PIEZO1: variants seen among roughly 807,000 people sequenced by gnomAD.
PIEZO1 encodes the protein piezo type mechanosensitive ion channel component 1 (Er blood group).
In PIEZO1, 296 loss-of-function variants were observed where a neutral mutation model predicts 297.2. The observed-to-expected ratio is 1.00, with a 90% confidence interval of 0.91 to 1.10. PIEZO1 has a LOEUF of 1.10. Ranked by LOEUF, PIEZO1 falls within the 50% of genes least tolerant of loss-of-function variation. The pLI, the probability that PIEZO1 is intolerant of heterozygous loss-of-function variation, is 0.00. For missense variants in PIEZO1, 5,018 were observed against 3,455.5 expected, an observed-to-expected ratio of 1.45 and a Z score of -11.34; for synonymous variants, 2,427 against 1,507.5, an observed-to-expected ratio of 1.61 and a Z score of -14.13.
At chr16:88,739,362 C>A (rs1234304326) in intron 5 of PIEZO1, 1 of 152,352 alleles carries the variant, frequency 6.6e-6, no homozygotes, top group African/African-American at 2.4e-5. Context: ...TCCCAGAACA[C>A]AGCCATTTCC....
intron 5 of PIEZO1, chr16:88,739,609 GCCTATTCC>G (rs1344814165): frequency 6.6e-6 from 1 of 152,380 alleles, no homozygotes; most frequent in Non-Finnish European, 1.5e-5. Flanking sequence ...GCCTCTCGGA[GCCTATTCC>G]CCTTCTGTCA....
chr16:88,736,363 G>C lies in PIEZO1; in HGVS notation c.1342C>G (p.Leu448Val). The C allele has an allele frequency of 6.5e-7, 1 of 1,549,948 alleles. No individual in the cohort carries two copies. Among genetic ancestry groups the C allele is most frequent in the Non-Finnish European group, 8.7e-7 (1 of 1,146,794 alleles). The change falls in exon 12 of 51, where the codon CTC (leucine) becomes GTC (valine). Residue 448 changes from leucine to valine, a missense_variant. By Grantham distance (32) the Leu-to-Val change is conservative. Coordinates refer to ENST00000301015, the MANE Select transcript of PIEZO1 (RefSeq NM_001142864.4). ...YHSWLTFVLLLWACLIWTVRS... is the reference protein window; with the variant it reads ...YHSWLTFVLLVWACLIWTVRS... ...ACCGTCCAGATGAGGCAGGCCCAGAGCAGCAGTACGAAGGTCAGCCAGCTG... is the reference window on the plus strand; with the variant it reads ...ACCGTCCAGATGAGGCAGGCCCAGACCAGCAGTACGAAGGTCAGCCAGCTG...
chr16:88,726,173 G>A (rs972330556), intron 27 of PIEZO1, 111 bp downstream of exon 27: 16 of 858,500 alleles, frequency 1.9e-5, no homozygotes, highest in African/African-American at 1.0e-4. Flanking sequence ...ATGTCACAGA[G>A]TGGCAGAGCC....
intron 33 of PIEZO1, 39 bp from the exon 34 acceptor site, chr16:88,723,048 G>C: frequency 6.5e-7 from 1 of 1,543,814 alleles, no homozygotes; most frequent in Non-Finnish European, 8.7e-7. Context: ...GGGGCAGCCT[G>C]TGGGGCCAAG....
rs555382124 is a variant in PIEZO1 at position 88,727,083 on chromosome 16, C to T, written c.3411G>A (p.Pro1137=). The stretch of plus-strand genomic sequence containing the variant: ...GCACGGGGTTGGGCTCCCCCCGCAG[C>T]GGCTCCAGGCGGTCGGTGTTGACGC... ...MAGVNTDRLE[P]LRGEPNPVPN... Residue 1137 remains proline (P), a synonymous_variant, in exon 24 of 51, where the codon CCG becomes CCA. Coordinates refer to ENST00000301015, the MANE Select transcript of PIEZO1 (RefSeq NM_001142864.4). 1.3e-4 allele frequency: 198 copies of T among 1,549,606 alleles called. No individual in the cohort carries two copies. In the African/African-American group the frequency reaches 2.1e-3, roughly 16 times the overall value.
chr16:88,741,672 G>C (rs1396252363), intron 4 of PIEZO1, 56 bp from the exon 5 acceptor site: 1 of 1,486,454 alleles, frequency 6.7e-7, no homozygotes, highest in East Asian at 2.5e-5. Flanking sequence ...GTGGGTGTGA[G>C]TGTGGATGGG....
At chr16:88,743,200 G>A (rs751633649) in intron 2 of PIEZO1, 1 of 456,298 alleles carries the variant, frequency 2.2e-6, no homozygotes, top group South Asian at 1.5e-5. Context: ...GGGCTGGGCG[G>A]GCGCACCCTG....
chr16:88,723,700 G>A (rs1211279888), intron 31 of PIEZO1, among the ~76,000 whole-genome samples, 171 bp downstream of exon 31: 1 of 152,266 alleles, frequency 6.6e-6, no homozygotes, highest in Non-Finnish European at 1.5e-5. Flanking sequence ...TGTCCCTGTA[G>A]CCTGGTTTCC....
At chr16:88,752,542 T>TA (rs1906441148) in intron 1 of PIEZO1, among the ~76,000 whole-genome samples, 1 of 152,162 alleles carries the variant, frequency 6.6e-6, no homozygotes, top group Non-Finnish European at 1.5e-5. Context: ...CCCTGAAATC[T>TA]GCAAAGGATT....
rs1368572080 is a variant in PIEZO1, at chr16:88,715,394, G to C, written c.*211C>G. The C allele has an allele frequency of 3.9e-6, 4 of 1,024,978 alleles. No individual in the cohort carries two copies. In the East Asian group the frequency reaches 1.0e-4, roughly 27 times the overall value. 63.5% of individuals were successfully genotyped at this position (1,024,978 alleles called of 1,614,324 possible). A position where few individuals can be genotyped will look rare whatever the true frequency, so the allele number is the denominator to read the frequency against. ...TTTTAATTAAAAAAAAAACTCTACAGTACACGTGGGGGACGGCAGCGCCAC... is the reference window on the plus strand; with the variant it reads ...TTTTAATTAAAAAAAAAACTCTACACTACACGTGGGGGACGGCAGCGCCAC... On this transcript the variant is annotated 3_prime_UTR_variant, in exon 51 of 51. Coordinates refer to ENST00000301015, the MANE Select transcript of PIEZO1 (RefSeq NM_001142864.4).
At chr16:88,759,963 G>A (rs1441028296) in intron 1 of PIEZO1, among the ~76,000 whole-genome samples, 1 of 152,052 alleles carries the variant, frequency 6.6e-6, no homozygotes, top group Non-Finnish European at 1.5e-5. Context: ...AGCCACCCTG[G>A]CATCCGGGCC....
At position 88,715,596 on chromosome 16, in the gene PIEZO1, C is replaced by CA; in HGVS notation, c.*8dup. The CA allele has an allele frequency of 6.5e-7, 1 of 1,548,088 alleles. No homozygotes were observed. Among genetic ancestry groups the CA allele is most frequent in the Non-Finnish European group, 8.7e-7 (1 of 1,145,880 alleles). On this transcript the variant is annotated 3_prime_UTR_variant, in exon 51 of 51. Coordinates refer to ENST00000301015, the MANE Select transcript of PIEZO1 (RefSeq NM_001142864.4). ...CGGCTCCTTCCCTCTCGGGCGCCAG[C>CA]AGCAGCTCCTACTCCTTCTCACGAG...
At chr16:88,761,847 C>T (rs1442276157) in intron 1 of PIEZO1, among the ~76,000 whole-genome samples, 3 of 151,606 alleles carry the variant, frequency 2.0e-5, no homozygotes, top group African/African-American at 7.3e-5. Context: ...CTGTGCTGGG[C>T]TCCCCTGCAG....
intron 5 of PIEZO1, 105 bp downstream of exon 5, chr16:88,741,373 A>G: frequency 8.9e-7 from 1 of 1,120,954 alleles, no homozygotes; most frequent in Non-Finnish European, 1.2e-6. Context: ...CTTACAACCA[A>G]AACGTCTACA....
intron 45 of PIEZO1, 51 bp from the exon 46 acceptor site, chr16:88,716,949 G>A: frequency 6.5e-7 from 1 of 1,544,978 alleles, no homozygotes; most frequent in Non-Finnish European, 8.8e-7. Context: ...TGGAGGAGCG[G>A]CTGGGGGTGG....
intron 1 of PIEZO1, among the ~76,000 whole-genome samples, chr16:88,763,636 A>C (rs1009506557): frequency 7.2e-5 from 11 of 152,240 alleles, no homozygotes; most frequent in African/African-American, 2.7e-4. Flanking sequence ...TCAGGGCAGC[A>C]CTGGGTAACA....
Position 88,734,012 on chromosome 16 carries a change from C to T in PIEZO1, c.2223G>A (p.Gln741=). Residue 741 remains glutamine, a synonymous_variant, in exon 17 of 51, where the codon CAG becomes CAA. Transcript: ENST00000301015. ...CCTGCTGCTGCTGCTGATGCTCCTG[C>T]TGCTCCTCCCGCAGCAGTGGGGTCC... ...VSGTPLLREE[Q]QEHQQQQQEE... is the part of the protein sequence containing the mutation. 6.5e-7 allele frequency: 1 copy of T among 1,548,010 alleles called. No individual in the cohort carries two copies.
chr16:88,720,886 T>G, intron 39 of PIEZO1, 138 bp from the exon 40 acceptor site: 13 of 1,075,736 alleles, frequency 1.2e-5, no homozygotes, highest in Non-Finnish European at 1.7e-5. Context: ...CCAGTGTCAC[T>G]GGCAAGGAGA....
Position 88,716,195 on chromosome 16 carries a change from C to T in PIEZO1, c.7129+3G>A, listed in dbSNP as rs767465849. ...CTCCCCCAACCCCCACGCCCATACT[C>T]ACTGGGCTGCAGCTGCTTCACAGGG... On this transcript the variant is annotated splice_donor_region_variant and intron_variant, in intron 49 of 50. Coordinates refer to ENST00000301015, the MANE Select transcript of PIEZO1 (RefSeq NM_001142864.4). The T allele has an allele frequency of 1.3e-4, 191 of 1,502,088 alleles. No homozygotes were observed. In the African/African-American group the frequency reaches 2.2e-3, roughly 17 times the overall value. 93.0% of individuals were successfully genotyped at this position (1,502,088 alleles called of 1,614,324 possible).
Sources: gnomAD v4.1 joint callset for allele counts (sites outside exome capture counted in the v4.1 genomes callset) on GRCh38, gnomAD v4.1.1 for gene constraint, MANE v1.5 for transcripts, NCBI Gene and HGNC (gene_info 2026-07-23, HGNC 2026-07-21) for gene names.